The following GRID2 variants were observed in gnomAD, a reference collection of about 807,000 sequenced individuals.
GRID2 encodes the protein glutamate receptor ionotropic, delta-2.
Under a neutral mutation model 114.8 loss-of-function variants are expected in GRID2, and 33 were observed. The observed-to-expected ratio is 0.29, with a 90% CI of 0.22 to 0.38. The LOEUF (loss-of-function observed/expected upper bound fraction) is 0.38, where lower values mean the gene tolerates loss of function less well. Ranked by LOEUF, GRID2 falls within the 10% of genes least tolerant of loss-of-function variation. The pLI is 1.00. For missense variants in GRID2, 1,184 were observed against 1,257.7 expected (o/e 0.94, Z 0.89); for synonymous variants, 505 against 449.9 (o/e 1.12, Z -1.55).
At chr4:93,579,841 C>T (rs1274230751) in intron 13 of GRID2, among the ~76,000 whole-genome samples, 1 of 152,160 alleles carries the variant, frequency 6.6e-6, no homozygotes, top group South Asian at 2.1e-4. Flanking sequence ...CTCTTGCTTT[C>T]GTTTTCTTTA....
At chr4:92,927,837 C>A (rs546990403) in intron 2 of GRID2, among the ~76,000 whole-genome samples, 3 of 151,746 alleles carry the variant, frequency 2.0e-5, no homozygotes, top group African/African-American at 7.2e-5. Flanking sequence ...ATTGAAAAAT[C>A]TGAACGATTT....
chr4:92,425,613 T>C (rs1423059445), intron 1 of GRID2, among the ~76,000 whole-genome samples: 1 of 152,084 alleles, frequency 6.6e-6, no homozygotes, highest in Non-Finnish European at 1.5e-5. Context: ...ACCTCTTCTG[T>C]AGTATGTTTG....
chr4:93,321,267 C>G (rs77968206), intron 8 of GRID2, among the ~76,000 whole-genome samples: 1 of 152,134 alleles, frequency 6.6e-6, no homozygotes, highest in African/African-American at 2.4e-5. Flanking sequence ...ATGTCTACTT[C>G]TAGCTGGTAA....
At chr4:92,706,813 C>T (rs1734978758) in intron 2 of GRID2, among the ~76,000 whole-genome samples, 1 of 152,104 alleles carries the variant, frequency 6.6e-6, no homozygotes, top group Non-Finnish European at 1.5e-5. Flanking sequence ...ATTAAATTCT[C>T]TATAATTACA....
intron 1 of GRID2, among the ~76,000 whole-genome samples, chr4:92,351,876 T>C (rs1167281543): frequency 6.6e-6 from 1 of 151,944 alleles, no homozygotes; most frequent in Non-Finnish European, 1.5e-5. Context: ...AATGTGTATA[T>C]ATACCACATT....
chr4:93,387,309 C>T (rs544625419), intron 8 of GRID2, among the ~76,000 whole-genome samples: 1 of 152,256 alleles, frequency 6.6e-6, no homozygotes, highest in South Asian at 2.1e-4. Context: ...AATAAAACAA[C>T]TTATTTTATT....
chr4:92,619,544 G>A (rs1730167478), intron 2 of GRID2, among the ~76,000 whole-genome samples: 1 of 151,508 alleles, frequency 6.6e-6, no homozygotes, highest in Non-Finnish European at 1.5e-5. Flanking sequence ...TACCAAAACT[G>A]TTATCATTTT....
chr4:93,304,320 T>G (rs1755188660), intron 8 of GRID2, among the ~76,000 whole-genome samples: 1 of 150,354 alleles, frequency 6.7e-6, no homozygotes, highest in Admixed American at 6.6e-5. Flanking sequence ...AACCTGGAAT[T>G]TACTATATCA....
Position 93,667,463 on chromosome 4 carries a change from T to C in GRID2, c.2360+41028T>C, listed in dbSNP as rs377671312. ...AGGAGGTACCACCTATGGAGAAGAC[T>C]TATCTTTACTGCCTTTGAAAAAGCA... is the stretch of plus-strand genomic sequence containing the variant. On this transcript the variant is annotated intron_variant, in intron 14 of 15. Transcript: ENST00000282020. Among the ~76,000 whole-genome samples the C allele has an allele frequency of 2.0e-5, 3 of 151,986 alleles. No homozygotes were observed. In the South Asian group the frequency reaches 6.2e-4, roughly 32 times the overall value.
chr4:93,787,728 A>T (rs1734620831), intron 1 of GRID2, among the ~76,000 whole-genome samples: 1 of 152,188 alleles, frequency 6.6e-6, no homozygotes, highest in African/African-American at 2.4e-5. Context: ...TATGAGGGTC[A>T]TTGAATTACT....
intron 8 of GRID2, among the ~76,000 whole-genome samples, chr4:93,332,376 A>G (rs1480292325): frequency 6.6e-6 from 1 of 151,472 alleles, no homozygotes; most frequent in African/African-American, 2.4e-5. Flanking sequence ...TCCTAGCTGC[A>G]TCCTGTCATA....
At chr4:93,448,858 TCCCCTTCCCTTCCCCTTCCCTTC>T (rs1722377968) in intron 10 of GRID2, among the ~76,000 whole-genome samples, 1 of 17,564 alleles carries the variant, frequency 5.7e-5, no homozygotes, top group Admixed American at 8.5e-4. Context: ...TCCCTTCCCT[TCCCCTTCCCTTCCCCTTCCCTTC>T]CCCTTCCCTT....
intron 8 of GRID2, among the ~76,000 whole-genome samples, chr4:93,348,436 A>G (rs762676900): frequency 6.6e-6 from 1 of 152,224 alleles, no homozygotes; most frequent in Non-Finnish European, 1.5e-5. Context: ...AGTGCAATGA[A>G]GTACAAATAA....
At chr4:92,981,021 G>A (rs952883016) in intron 2 of GRID2, among the ~76,000 whole-genome samples, 2 of 151,858 alleles carry the variant, frequency 1.3e-5, no homozygotes, top group Non-Finnish European at 2.9e-5. Context: ...TTACCCAAGG[G>A]CAAATAGGTA....
intron 8 of GRID2, among the ~76,000 whole-genome samples, chr4:93,239,125 G>GAT (rs1425967656): frequency 3.4e-5 from 5 of 145,400 alleles, no homozygotes; most frequent in Admixed American, 1.4e-4. Context: ...ATAAATTTTT[G>GAT]ATATATATAT....
At chr4:92,830,225 A>G (rs1018124527) in intron 2 of GRID2, among the ~76,000 whole-genome samples, 1 of 152,204 alleles carries the variant, frequency 6.6e-6, no homozygotes, top group Non-Finnish European at 1.5e-5. Flanking sequence ...CAGAAAATGA[A>G]CTGAGGCTAA....
intron 4 of GRID2, among the ~76,000 whole-genome samples, chr4:93,177,806 C>T (rs1399046250): frequency 6.6e-6 from 1 of 151,942 alleles, no homozygotes. Context: ...TTTTTCTAAA[C>T]TACCATTAAC....
chr4:93,795,192 T>G (rs1414485852), intron 1 of GRID2, among the ~76,000 whole-genome samples: 1 of 152,096 alleles, frequency 6.6e-6, no homozygotes, highest in Non-Finnish European at 1.5e-5. Context: ...CTTTTCATAA[T>G]ACATTATTAC....
At chr4:93,687,473 C>T (rs1298706535) in intron 14 of GRID2, among the ~76,000 whole-genome samples, 1 of 151,832 alleles carries the variant, frequency 6.6e-6, no homozygotes, top group African/African-American at 2.4e-5. Flanking sequence ...AAGGCATTCA[C>T]ATGTTAAGAG....
Sources: allele counts gnomAD v4.1 joint callset (sites outside exome capture counted in the v4.1 genomes callset), GRCh38; gene constraint gnomAD v4.1.1; transcripts MANE v1.5; gene names NCBI Gene and HGNC (gene_info 2026-07-23, HGNC 2026-07-21).